Variants in WASL observed in about 807,000 individuals in gnomAD.
WASL encodes WASP like actin nucleation promoting factor.
WASL carries 20 observed loss-of-function variants against 55.5 expected under a neutral mutation model. The observed-to-expected ratio is 0.36, with a 90% confidence interval of 0.25 to 0.52. The LOEUF (loss-of-function observed/expected upper bound fraction) is 0.52. Among genes scored for constraint, WASL ranks in the 20% least tolerant of loss-of-function variants. WASL has a pLI of 0.92. For synonymous variants in WASL, 249 were observed against 217.6 expected (o/e 1.14, Z -1.27); for missense variants, 504 against 622.5 (o/e 0.81, Z 2.03).
intron 1 of WASL, among the ~76,000 whole-genome samples, chr7:123,731,680 C>T (rs976893005): frequency 6.6e-6 from 1 of 152,064 alleles, no homozygotes; most frequent in Non-Finnish European, 1.5e-5. Context: ...TCTAAACATA[C>T]TTCTAAATAA....
At chr7:123,745,998 T>A (rs994901488) in intron 1 of WASL, among the ~76,000 whole-genome samples, 1 of 152,202 alleles carries the variant, frequency 6.6e-6, no homozygotes, top group East Asian at 1.9e-4. Flanking sequence ...ACAGTCTTAA[T>A]CCACACAACT....
At chr7:123,721,543 A>G (rs1803943261) in intron 1 of WASL, among the ~76,000 whole-genome samples, 1 of 152,206 alleles carries the variant, frequency 6.6e-6, no homozygotes, top group African/African-American at 2.4e-5. Context: ...AAAAACAAAC[A>G]AACGAACAAC....
At chr7:123,721,125 A>G (rs909410587) in intron 1 of WASL, among the ~76,000 whole-genome samples, 1 of 152,204 alleles carries the variant, frequency 6.6e-6, no homozygotes, top group Non-Finnish European at 1.5e-5. Context: ...AAAGTCTTTG[A>G]TTTCTTTTAC....
At chr7:123,722,856 G>A (rs1355506594) in intron 1 of WASL, among the ~76,000 whole-genome samples, 1 of 152,054 alleles carries the variant, frequency 6.6e-6, no homozygotes, top group African/African-American at 2.4e-5. Flanking sequence ...GTACCAAAAT[G>A]AAAGCAAGAA....
intron 1 of WASL, among the ~76,000 whole-genome samples, chr7:123,727,400 C>G (rs978692446): frequency 1.4e-5 from 2 of 139,824 alleles, no homozygotes; most frequent in African/African-American, 5.3e-5. Context: ...TACAAGAACA[C>G]AGGAGCCTTA....
At chr7:123,720,173 G>A (rs1310445497) in intron 1 of WASL, 7 of 370,884 alleles carry the variant, frequency 1.9e-5, no homozygotes, top group Non-Finnish European at 3.1e-5. Context: ...AGGGTAAAGG[G>A]GTAACACACT....
chr7:123,740,054 G>A (rs1338007528), intron 1 of WASL, among the ~76,000 whole-genome samples: 1 of 151,852 alleles, frequency 6.6e-6, no homozygotes, highest in Non-Finnish European at 1.5e-5. Flanking sequence ...ATACTGGGAG[G>A]GTGTTATGTG....
At chr7:123,697,978 G>A (rs1233767258) in intron 5 of WASL, among the ~76,000 whole-genome samples, 1 of 151,830 alleles carries the variant, frequency 6.6e-6, no homozygotes, top group Admixed American at 6.6e-5. Flanking sequence ...CATTTCACAA[G>A]TTGTCACAAT....
Position 123,696,628 on chromosome 7 carries a change from T to C in WASL, c.580A>G (p.Lys194Glu). 6.2e-7 allele frequency: 1 copy of C among 1,601,672 alleles called. No individual in the cohort carries two copies. Among genetic ancestry groups the C allele is most frequent in the Non-Finnish European group, 8.5e-7 (1 of 1,173,778 alleles). Residue 194 changes from lysine (K) to glutamate (E), a missense_variant, in exon 6 of 11, where the codon AAA becomes GAA. Physicochemically the swap from Lys to Glu is moderately conservative, Grantham distance 56. Transcript: ENST00000223023. ...HTKEKKKGKA[K>E]KKRLTKADIG... ...TCTGCCTTGGTTAATCTCTTCTTTT[T>C]AGCTTTTCCCTTCTTCTTTTCTTTG...
intron 9 of WASL, among the ~76,000 whole-genome samples, chr7:123,689,375 T>C (rs776640495): frequency 4.6e-5 from 7 of 152,208 alleles, no homozygotes; most frequent in Non-Finnish European, 5.9e-5. Context: ...AAGCCAAAAA[T>C]ACATTTCCAA....
intron 1 of WASL, among the ~76,000 whole-genome samples, chr7:123,710,492 A>T (rs1208991363): frequency 6.6e-6 from 1 of 152,046 alleles, no homozygotes; most frequent in Non-Finnish European, 1.5e-5. Flanking sequence ...TTTTGGTAAG[A>T]GGAATTTCAA....
At chr7:123,746,200 C>T (rs1804428286) in intron 1 of WASL, among the ~76,000 whole-genome samples, 1 of 152,170 alleles carries the variant, frequency 6.6e-6, no homozygotes, top group Non-Finnish European at 1.5e-5. Flanking sequence ...TACACGTTTC[C>T]CTTTTTAGAC....
At chr7:123,720,369 T>A (rs2116803424) in intron 1 of WASL, 1 of 436,258 alleles carries the variant, frequency 2.3e-6, no homozygotes, top group African/African-American at 2.1e-5. Context: ...AAAGTTGTTA[T>A]TCAAGTAATG....
chr7:123,719,131 T>A (rs1454733220), intron 1 of WASL, among the ~76,000 whole-genome samples: 1 of 152,224 alleles, frequency 6.6e-6, no homozygotes, highest in African/African-American at 2.4e-5. Flanking sequence ...GGTTTATGAA[T>A]CCCTTTATTA....
chr7:123,686,199 ATTAT>A (rs996186882), intron 10 of WASL, among the ~76,000 whole-genome samples: 3 of 151,566 alleles, frequency 2.0e-5, no homozygotes, highest in Non-Finnish European at 4.4e-5. Context: ...ATAATTATTT[ATTAT>A]TTATTTATTT....
At position 123,748,789 on chromosome 7, in the gene WASL, G is replaced by A. The variant is rs900608824; in HGVS notation, c.-55C>T. The A allele has an allele frequency of 4.2e-6, 6 of 1,427,896 alleles. No homozygotes were observed. Among genetic ancestry groups the A allele is most frequent in the African/African-American group, 1.5e-5 (1 of 68,148 alleles). The allele number at this position is 1,427,896 out of a possible 1,614,324, so 88.5% of individuals were successfully genotyped here. On this transcript the variant is annotated 5_prime_UTR_variant, in exon 1 of 11. Coordinates refer to ENST00000223023, the MANE Select transcript of WASL (RefSeq NM_003941.4). ...GCCGTCTCCTCCGGCGAGTGGGCGA[G>A]AGCTCGTTCCCCCTCTCGGTGACAG...
At chr7:123,705,948 A>T (rs1416692746) in intron 4 of WASL, among the ~76,000 whole-genome samples, 2 of 152,208 alleles carry the variant, frequency 1.3e-5, no homozygotes, top group African/African-American at 4.8e-5. Context: ...ATGAAATTTT[A>T]TCAACAAAAA....
At chr7:123,729,407 A>AAT (rs1417808828) in intron 1 of WASL, among the ~76,000 whole-genome samples, 2 of 152,152 alleles carry the variant, frequency 1.3e-5, no homozygotes, top group Non-Finnish European at 2.9e-5. Flanking sequence ...CTAAGTCTTT[A>AAT]ATAATCAGCA....
chr7:123,718,984 C>A (rs1194604456), intron 1 of WASL, among the ~76,000 whole-genome samples: 3 of 152,166 alleles, frequency 2.0e-5, no homozygotes. Flanking sequence ...TATACCACAT[C>A]CTCCAGTTAC....
Sources: allele counts gnomAD v4.1 joint callset (sites outside exome capture counted in the v4.1 genomes callset), GRCh38; gene constraint gnomAD v4.1.1; transcripts MANE v1.5; gene names NCBI Gene and HGNC (gene_info 2026-07-23, HGNC 2026-07-21).